Variants in CACNA1I observed in about 807,000 individuals in gnomAD.
The protein encoded by CACNA1I is calcium voltage-gated channel subunit alpha1 I.
A neutral mutation model predicts 201.6 loss-of-function variants in CACNA1I; 74 were observed. The ratio of observed to expected loss-of-function variants is 0.37; its 90% CI spans 0.30 to 0.45. The LOEUF (loss-of-function observed/expected upper bound fraction) is 0.45, where lower values mean the gene tolerates loss of function less well. Among genes scored for constraint, CACNA1I ranks in the 20% least tolerant of loss-of-function variants. CACNA1I has a pLI of 1.00. For missense variants in CACNA1I, 2,346 were observed against 3,138.1 expected (o/e 0.75, Z 6.03); for synonymous variants, 1,431 against 1,345.2 (o/e 1.06, Z -1.40).
intron 1 of CACNA1I, among the ~76,000 whole-genome samples, chr22:39,574,802 A>G (rs1268737988): frequency 6.6e-6 from 1 of 152,064 alleles, no homozygotes; most frequent in Non-Finnish European, 1.5e-5. Context: ...GGCTGGTGGG[A>G]GCTGCTGTCA....
At chr22:39,673,498 C>G (rs1318234366) in intron 28 of CACNA1I, among the ~76,000 whole-genome samples, 4 of 152,224 alleles carry the variant, frequency 2.6e-5, no homozygotes, top group African/African-American at 7.2e-5. Flanking sequence ...TTCTCCCTCC[C>G]CTCAAGGTAG....
rs567024606 is a variant in CACNA1I at position 39,654,189 on chromosome 22, C to T, written c.1993-3963C>T. Reference sequence around the variant, plus strand: ...TTGCCCAAGGTGCCAGGGTGAGCAGCGACAGAGCCGGGCTCCCGGAGATTG... The same window carrying T: ...TTGCCCAAGGTGCCAGGGTGAGCAGTGACAGAGCCGGGCTCCCGGAGATTG... On this transcript the variant is annotated intron_variant, in intron 10 of 36. Coordinates refer to ENST00000402142, the MANE Select transcript of CACNA1I (RefSeq NM_021096.4). 2.8e-3 allele frequency among the ~76,000 whole-genome samples: 427 copies of T among 152,298 alleles called. 2 individuals carry two copies. Among genetic ancestry groups the T allele is most frequent in the African/African-American group, 9.9e-3 (410 of 41,558 alleles).
Position 39,686,490 on chromosome 22 carries a change from G to A in CACNA1I, c.*85G>A, listed in dbSNP as rs995287365. The A allele has an allele frequency of 5.9e-6, 6 of 1,019,600 alleles. No individual in the cohort carries two copies. In the South Asian group the frequency reaches 2.2e-4, roughly 37 times the overall value. 63.2% of individuals were successfully genotyped at this position (1,019,600 alleles called of 1,614,324 possible). On this transcript the variant is annotated 3_prime_UTR_variant, in exon 37 of 37. Coordinates refer to ENST00000402142, the MANE Select transcript of CACNA1I (RefSeq NM_021096.4). Reference sequence around the variant, plus strand: ...AGCCAGGAGCAGACAGCAATACTTCGTCCACACCTGGGATCGCGCAGGGCC... The same window carrying A: ...AGCCAGGAGCAGACAGCAATACTTCATCCACACCTGGGATCGCGCAGGGCC...
At chr22:39,678,525 G>C (rs1935585255) in intron 31 of CACNA1I, among the ~76,000 whole-genome samples, 1 of 152,190 alleles carries the variant, frequency 6.6e-6, no homozygotes, top group Non-Finnish European at 1.5e-5. Context: ...CCAGAGGACA[G>C]GGGTAAGGCC....
At chr22:39,663,214 G>A (rs982877910) in intron 18 of CACNA1I, among the ~76,000 whole-genome samples, 1 of 152,204 alleles carries the variant, frequency 6.6e-6, no homozygotes, top group Non-Finnish European at 1.5e-5. Flanking sequence ...TCTAGTCTAG[G>A]CCATCCCTGT....
chr22:39,593,260 A>AGCTCTC (rs761267273), intron 1 of CACNA1I, among the ~76,000 whole-genome samples: 4 of 152,218 alleles, frequency 2.6e-5, no homozygotes, highest in Non-Finnish European at 5.9e-5. Flanking sequence ...GAGTGGTGTC[A>AGCTCTC]GCTCTCCAGG....
At position 39,688,511 on chromosome 22, in the gene CACNA1I, G is replaced by C. The variant is rs994159630; in HGVS notation, c.*2106G>C. On this transcript the variant is annotated 3_prime_UTR_variant, in exon 37 of 37. Coordinates refer to ENST00000402142, the MANE Select transcript of CACNA1I (RefSeq NM_021096.4). This position sits in a 1 kb window ranked among gnomAD's most constrained non-coding sequence, Gnocchi z 4.8. The stretch of plus-strand genomic sequence containing the variant: ...GACAGACTTGACTTTTTGCAAGTCC[G>C]CGTGTTGCTGGAGGGACACGTGTAT... The C allele has an allele frequency of 6.6e-6, 1 of 152,168 alleles. No homozygotes were observed. Among genetic ancestry groups the C allele is most frequent in the African/African-American group, 2.4e-5 (1 of 41,434 alleles). The allele number at this position is 152,168 out of a possible 1,614,324, so 9.4% of individuals were successfully genotyped here.
At chr22:39,637,113 GC>G (rs1417600590) in intron 5 of CACNA1I, among the ~76,000 whole-genome samples, 1 of 152,188 alleles carries the variant, frequency 6.6e-6, no homozygotes, top group Admixed American at 6.5e-5. Context: ...CAGGGCCTAT[GC>G]TGGGCCCTGG....
Position 39,658,154 on chromosome 22 carries a change from G to A in CACNA1I, c.1995G>A (p.Pro665=), listed in dbSNP as rs1344867036. 60 of 1,613,714 alleles carry A rather than the reference G, an allele frequency of 3.7e-5. No homozygotes were observed. The highest frequency in any genetic ancestry group is 4.7e-5 in the Non-Finnish European group (56 of 1,179,800). ...TTCCCCACCCCAATGCCCCACAGCCGGAGGAGCTGACCAACATCCTGGAGA... is the reference window on the plus strand; with the variant it reads ...TTCCCCACCCCAATGCCCCACAGCCAGAGGAGCTGACCAACATCCTGGAGA... ...VSMGIEHHEQ[P]EELTNILEIC... is the part of the protein sequence containing the mutation. The change falls in exon 11 of 37, where the codon CCG becomes CCA. Residue 665 remains proline, a splice_region_variant and synonymous_variant. Coordinates refer to ENST00000402142, the MANE Select transcript of CACNA1I (RefSeq NM_021096.4).
Position 39,648,297 on chromosome 22 carries a change from G to A in CACNA1I, c.1567+371G>A, listed in dbSNP as rs1294652301. 1.3e-5 allele frequency among the ~76,000 whole-genome samples: 2 copies of A among 152,160 alleles called. No individual in the cohort carries two copies. Among genetic ancestry groups the A allele is most frequent in the East Asian group, 1.9e-4 (1 of 5,160 alleles). ...TGGCCCGTGGGCAGGCCCGGCATGC[G>A]GACACAGGAGCTGGGGCCGGGCAAG... On this transcript the variant is annotated intron_variant, in intron 9 of 36. Coordinates refer to ENST00000402142, the MANE Select transcript of CACNA1I (RefSeq NM_021096.4). The surrounding 1 kb of genome is among the most constrained non-coding windows in gnomAD (Gnocchi z 5.4).
intron 2 of CACNA1I, 21 bp downstream of exon 2, chr22:39,598,283 C>CGCCCCGCCCT (rs1601806077): frequency 7.4e-6 from 10 of 1,358,254 alleles, no homozygotes; most frequent in East Asian, 2.7e-5. Context: ...CGCCCCGCCC[C>CGCCCCGCCCT]GCCCCGCCCT....
chr22:39,640,924 C>T lies in CACNA1I; in HGVS notation c.798C>T (p.Pro266=). ...YYQPEEDDEM[P]FICSLSGDNG... is the part of the protein sequence containing the mutation. Reference sequence around the variant, plus strand: ...AGCCGGAGGAGGATGATGAGATGCCCTTCATCTGCTCCCTGTCGGGCGACA... The same window carrying T: ...AGCCGGAGGAGGATGATGAGATGCCTTTCATCTGCTCCCTGTCGGGCGACA... Residue 266 remains proline (P), a synonymous_variant, in exon 6 of 37, where the codon CCC becomes CCT. Coordinates refer to ENST00000402142, the MANE Select transcript of CACNA1I (RefSeq NM_021096.4). 6.2e-7 allele frequency: 1 copy of T among 1,613,920 alleles called. No individual in the cohort carries two copies. The highest frequency in any genetic ancestry group is 8.5e-7 in the Non-Finnish European group (1 of 1,179,872).
At chr22:39,633,849 C>T (rs189802542) in intron 4 of CACNA1I, among the ~76,000 whole-genome samples, 19 of 152,324 alleles carry the variant, frequency 1.2e-4, no homozygotes, top group South Asian at 6.2e-4. Context: ...CGTTAGCAGG[C>T]GCTTGGCTCT....
intron 4 of CACNA1I, among the ~76,000 whole-genome samples, chr22:39,622,479 G>A (rs1933774714): frequency 6.6e-6 from 1 of 151,956 alleles, no homozygotes; most frequent in Non-Finnish European, 1.5e-5. Flanking sequence ...ACCAAGGGGT[G>A]GGGCATGAGG....
rs1932860044 is a variant in CACNA1I, at chr22:39,594,710, G to T, written c.237-3441G>T. Among the ~76,000 whole-genome samples the T allele has an allele frequency of 2.0e-5, 3 of 152,056 alleles. No homozygotes were observed. In the South Asian group the frequency reaches 6.2e-4, roughly 32 times the overall value. ...TCCTGCTGAGGGTTTGGCTGGTGTG[G>T]CTACATCCCAGCTAAGGGCAAGGGC... On this transcript the variant is annotated intron_variant, in intron 1 of 36. Transcript: ENST00000402142.
At chr22:39,577,433 A>G (rs144111784) in intron 1 of CACNA1I, among the ~76,000 whole-genome samples, 117 of 152,340 alleles carry the variant, frequency 7.7e-4, no homozygotes, top group Non-Finnish European at 1.3e-3. Context: ...ACTGGGCAAG[A>G]AGAGGCCAGG....
At position 39,672,314 on chromosome 22, in the gene CACNA1I, T is replaced by G. The variant is rs1569095071; in HGVS notation, c.4649+6T>G. On this transcript the variant is annotated splice_donor_region_variant and intron_variant, in intron 27 of 36. Transcript: ENST00000402142. ...AGGCGCTTCTTCAAGGACCGGTGAG[T>G]GGCCAGGCTGGATTAGGGCAGTAAT... 1 of 1,583,468 alleles carries G rather than the reference T, an allele frequency of 6.3e-7. No individual in the cohort carries two copies. Among genetic ancestry groups the G allele is most frequent in the Non-Finnish European group, 8.7e-7 (1 of 1,152,846 alleles).
chr22:39,649,662 T>C lies in CACNA1I; in HGVS notation c.1729T>C (p.Ser577Pro), dbSNP rs1414031920. The C allele has an allele frequency of 5.3e-6, 8 of 1,515,222 alleles. No homozygotes were observed. The highest frequency in any genetic ancestry group is 7.1e-6 in the Non-Finnish European group (8 of 1,128,688). The allele number at this position is 1,515,222 out of a possible 1,614,324, so 93.9% of individuals were successfully genotyped here. Residue 577 changes from serine to proline, a missense_variant, in exon 10 of 37, where the codon TCG (serine) becomes CCG (proline). This residue lies in a region of CACNA1I where 312 missense variants were observed against 331.5 expected (regional missense o/e 0.94). Coordinates refer to ENST00000402142, the MANE Select transcript of CACNA1I (RefSeq NM_021096.4). This position sits in a 1 kb window ranked among gnomAD's most constrained non-coding sequence, Gnocchi z 7.3. ...CAGCACCGACTCGGGCCAGGAGGGC[T>C]CGGGCTCCGGGAGCTCCGCTGGTGG... Reference protein sequence around the residue: ...LGSTDSGQEGSGSGSSAGGED... With the variant: ...LGSTDSGQEGPGSGSSAGGED...
intron 20 of CACNA1I, among the ~76,000 whole-genome samples, 158 bp from the exon 21 acceptor site, chr22:39,664,581 A>G (rs1041561851): frequency 6.7e-6 from 1 of 149,274 alleles, no homozygotes; most frequent in Non-Finnish European, 1.5e-5. Flanking sequence ...GGCGGCCTGA[A>G]CCCTCCCCTT....
Sources: gnomAD v4.1 joint callset for allele counts (sites outside exome capture counted in the v4.1 genomes callset) on GRCh38, gnomAD v4.1.1 for gene constraint, gnomAD v4.1.1 regional missense constraint, Gnocchi (gnomAD v3.1) non-coding constraint, MANE v1.5 for transcripts, NCBI Gene and HGNC (gene_info 2026-07-23, HGNC 2026-07-21) for gene names.